SPAG17: variants seen among roughly 807,000 people sequenced by gnomAD.
The protein encoded by SPAG17 is sperm associated antigen 17, also known as sperm-associated antigen 17.
In SPAG17, 169 loss-of-function variants were observed where a neutral mutation model predicts 273.6. The ratio of observed to expected loss-of-function variants is 0.62; its 90% CI spans 0.55 to 0.70. The LOEUF is 0.70. Ranked by LOEUF, SPAG17 falls within the 30% of genes least tolerant of loss-of-function variation. The pLI, the probability that SPAG17 is intolerant of heterozygous loss-of-function variation, is 0.00. For synonymous variants in SPAG17, 825 were observed against 873.2 expected (o/e 0.94, Z 0.97); for missense variants, 2,557 against 2,627.8 (o/e 0.97, Z 0.59).
chr1:118,087,498 G>A (rs1440094657), intron 10 of SPAG17, among the ~76,000 whole-genome samples: 1 of 152,160 alleles, frequency 6.6e-6, no homozygotes, highest in East Asian at 1.9e-4. Flanking sequence ...GTATAGAGGA[G>A]AAAACTAGGG....
At position 118,021,849 on chromosome 1, in the gene SPAG17, C is replaced by T. The variant is rs184186669; in HGVS notation, c.4069+1455G>A. 3.9e-5 allele frequency among the ~76,000 whole-genome samples: 6 copies of T among 152,240 alleles called. No individual in the cohort carries two copies. In the East Asian group the frequency reaches 1.2e-3, roughly 29 times the overall value. On this transcript the variant is annotated intron_variant, in intron 28 of 48. Coordinates refer to ENST00000336338, the MANE Select transcript of SPAG17 (RefSeq NM_206996.4). ...ACACAGACTAGTCTTATATCAAGTC[C>T]TCTGTATCAACAAAAGAGGGAACCC...
At chr1:117,989,638 T>C (rs1415746430) in intron 38 of SPAG17, among the ~76,000 whole-genome samples, 3 of 152,146 alleles carry the variant, frequency 2.0e-5, no homozygotes, top group African/African-American at 4.8e-5. Context: ...TACAGTGGCA[T>C]GATCTCTGCT....
intron 44 of SPAG17, 132 bp downstream of exon 44, chr1:117,973,293 G>A (rs988529259): frequency 8.1e-5 from 98 of 1,210,508 alleles, no homozygotes; most frequent in Middle Eastern, 2.6e-4. Context: ...CACAGTGGCC[G>A]GAAACTAATA....
intron 1 of SPAG17, among the ~76,000 whole-genome samples, chr1:118,182,694 T>C (rs1661004288): frequency 1.3e-5 from 2 of 152,074 alleles, no homozygotes; most frequent in African/African-American, 4.8e-5. Flanking sequence ...AATCTAAATG[T>C]ATCAGATTTA....
Position 117,972,739 on chromosome 1 carries a change from A to C in SPAG17, c.6141+686T>G, listed in dbSNP as rs1404103565. On this transcript the variant is annotated intron_variant, in intron 44 of 48. Coordinates refer to ENST00000336338, the MANE Select transcript of SPAG17 (RefSeq NM_206996.4). ...TTATATATATATGTATATTACAATA[A>C]ATTTTGTGATGAAGATGAACACAGT... Among the ~76,000 whole-genome samples the C allele has an allele frequency of 3.9e-5, 6 of 151,902 alleles. No homozygotes were observed. The South Asian group carries it at 1.2e-3, about 32-fold the overall frequency.
chr1:118,071,593 T>G (rs545479979), intron 17 of SPAG17, among the ~76,000 whole-genome samples: 1 of 152,078 alleles, frequency 6.6e-6, no homozygotes, highest in East Asian at 1.9e-4. Context: ...GAGGTTGCAG[T>G]GAGCCAAGAT....
intron 12 of SPAG17, among the ~76,000 whole-genome samples, chr1:118,086,276 A>T (rs1490048131): frequency 2.0e-5 from 3 of 152,238 alleles, no homozygotes; most frequent in Non-Finnish European, 4.4e-5. Context: ...CTGGTGCACA[A>T]AAATGACTGA....
At chr1:118,015,210 G>A (rs1659844729) in intron 29 of SPAG17, among the ~76,000 whole-genome samples, 1 of 151,544 alleles carries the variant, frequency 6.6e-6, no homozygotes, top group Non-Finnish European at 1.5e-5. Context: ...GCTTGAACTA[G>A]GAGGTGGAGG....
intron 3 of SPAG17, among the ~76,000 whole-genome samples, chr1:118,148,813 C>A (rs1659212137): frequency 6.6e-6 from 1 of 152,196 alleles, no homozygotes; most frequent in African/African-American, 2.4e-5. Context: ...CCACTCGCAA[C>A]TACCATGCAG....
At chr1:117,994,262 A>C in intron 35 of SPAG17, 144 bp downstream of exon 35, 1 of 801,850 alleles carries the variant, frequency 1.2e-6, no homozygotes, top group East Asian at 3.2e-5. Context: ...TAGAATCTTC[A>C]AATATAAAAC....
In SPAG17 at chr1:118,151,257, A is replaced by G; in HGVS notation, c.200T>C (p.Met67Thr). The G allele has an allele frequency of 6.2e-7, 1 of 1,609,760 alleles. No homozygotes were observed. The highest frequency in any genetic ancestry group is 1.1e-5 in the South Asian group (1 of 90,330). ...CTGGAGAATGTCTTGCCACGACACC[A>G]TACTGAAGAGTTTACGCTGAGGGAC... is the stretch of plus-strand genomic sequence containing the variant. Reference protein sequence around the residue: ...VQVPQRKLFSMVSWQDILQQI... With the variant: ...VQVPQRKLFSTVSWQDILQQI... The change falls in exon 2 of 49, where the codon ATG becomes ACG. Residue 67 changes from methionine to threonine, a missense_variant. Met to Thr is a moderately conservative substitution (Grantham distance 81, BLOSUM62 -1). Coordinates refer to ENST00000336338, the MANE Select transcript of SPAG17 (RefSeq NM_206996.4).
intron 18 of SPAG17, among the ~76,000 whole-genome samples, chr1:118,062,382 A>AT (rs1417854035): frequency 4.0e-5 from 6 of 149,674 alleles, no homozygotes; most frequent in Admixed American, 1.3e-4. Context: ...AAAAAAAAAA[A>AT]AAAAATTAAA....
chr1:118,181,264 C>A (rs922780700), intron 1 of SPAG17, among the ~76,000 whole-genome samples: 3 of 151,244 alleles, frequency 2.0e-5, no homozygotes, highest in African/African-American at 7.3e-5. Context: ...AATAAACTAG[C>A]AAAAGTAAGT....
At chr1:118,137,613 C>T (rs536186799) in intron 3 of SPAG17, among the ~76,000 whole-genome samples, 19 of 152,086 alleles carry the variant, frequency 1.2e-4, no homozygotes, top group African/African-American at 4.1e-4. Flanking sequence ...CTACTAAATC[C>T]GTAATTATTT....
chr1:118,022,585 C>T (rs974214545), intron 28 of SPAG17, among the ~76,000 whole-genome samples: 1 of 152,110 alleles, frequency 6.6e-6, no homozygotes, highest in African/African-American at 2.4e-5. Context: ...TAGACATTTT[C>T]ATGTGGTAGT....
intron 1 of SPAG17, among the ~76,000 whole-genome samples, chr1:118,156,805 T>A (rs1464570431): frequency 6.6e-6 from 1 of 152,164 alleles, no homozygotes; most frequent in Admixed American, 6.5e-5. Flanking sequence ...TTTCTTTTTT[T>A]TTTTCAGGGT....
At chr1:118,172,836 T>C (rs1420066129) in intron 1 of SPAG17, among the ~76,000 whole-genome samples, 1 of 152,188 alleles carries the variant, frequency 6.6e-6, no homozygotes, top group South Asian at 2.1e-4. Flanking sequence ...GAGTTCTAAC[T>C]GAAATATATA....
chr1:118,137,002 T>A (rs1223692135), intron 3 of SPAG17, among the ~76,000 whole-genome samples: 1 of 152,190 alleles, frequency 6.6e-6, no homozygotes, highest in African/African-American at 2.4e-5. Flanking sequence ...AAATTTGCTG[T>A]CATTCCTCAA....
chr1:118,136,828 T>C (rs1043746993), intron 3 of SPAG17, among the ~76,000 whole-genome samples: 6 of 151,994 alleles, frequency 3.9e-5, no homozygotes, highest in African/African-American at 4.8e-5. Context: ...TGTGTGTGTG[T>C]GTGTTTTTAA....
Sources: allele counts gnomAD v4.1 joint callset (sites outside exome capture counted in the v4.1 genomes callset), GRCh38; gene constraint gnomAD v4.1.1; transcripts MANE v1.5; gene names NCBI Gene and HGNC (gene_info 2026-07-23, HGNC 2026-07-21).